The following MSRA variants were observed in gnomAD, a reference collection of about 807,000 sequenced individuals.
The protein encoded by MSRA is methionine sulfoxide reductase A, also known as mitochondrial peptide methionine sulfoxide reductase.
MSRA carries 54 observed loss-of-function variants against 31.3 expected under a neutral mutation model. That is an observed-to-expected ratio of 1.73 (90% CI 1.39 to 2.17). MSRA has a LOEUF of 2.17. Ranked by LOEUF, MSRA falls within the 30% of genes most tolerant of loss-of-function variation. The pLI is 0.00. For synonymous variants in MSRA, 169 were observed against 116.5 expected (o/e 1.45, Z -2.90); for missense variants, 507 against 300.9 (o/e 1.69, Z -5.07).
chr8:10,258,104 C>T (rs1798278981), intron 3 of MSRA, among the ~76,000 whole-genome samples: 1 of 152,134 alleles, frequency 6.6e-6, no homozygotes. Flanking sequence ...AGGGGGTAGG[C>T]TAGTGTCCCT....
chr8:10,094,132 G>A lies in MSRA; in HGVS notation c.142+39474G>A, dbSNP rs377400554. Among the ~76,000 whole-genome samples the A allele has an allele frequency of 1.7e-4, 26 of 152,300 alleles. No individual in the cohort carries two copies. In the South Asian group the frequency reaches 5.2e-3, roughly 30 times the overall value. ...TTCATCATCCCTATTTGAAGGGACA[G>A]CATGGGACACTTTTGTCAGTGCTTT... On this transcript the variant is annotated intron_variant, in intron 1 of 5. Coordinates refer to ENST00000317173, the MANE Select transcript of MSRA (RefSeq NM_012331.5).
chr8:10,174,831 CA>C (rs1805900581), intron 1 of MSRA, among the ~76,000 whole-genome samples: 1 of 152,170 alleles, frequency 6.6e-6, no homozygotes, highest in South Asian at 2.1e-4. Flanking sequence ...TGTCAAAAAA[CA>C]AACTCTTCAC....
chr8:10,407,999 C>A (rs779829266), intron 5 of MSRA, among the ~76,000 whole-genome samples: 2 of 152,106 alleles, frequency 1.3e-5, no homozygotes, highest in African/African-American at 4.8e-5. Context: ...GTATAAACTT[C>A]TTAGAATTTC....
intron 5 of MSRA, among the ~76,000 whole-genome samples, chr8:10,401,939 T>G (rs1175169142): frequency 2.6e-5 from 4 of 152,216 alleles, no homozygotes. Context: ...AAAGAATTTC[T>G]GTCGGATGAT....
chr8:10,062,928 C>T (rs958042496), intron 1 of MSRA, among the ~76,000 whole-genome samples: 3 of 152,140 alleles, frequency 2.0e-5, no homozygotes, highest in African/African-American at 7.2e-5. Context: ...ACATTTTAAG[C>T]TAAAAGAGGT....
In MSRA at chr8:10,274,676, C is replaced by T. The variant is rs1799225380; in HGVS notation, c.332-26858C>T. ...ATATGCCTGATTATCCATCTCTCTA[C>T]CCATCCATCCATGTATCTACTCATC... On this transcript the variant is annotated intron_variant, in intron 3 of 5. Coordinates refer to ENST00000317173, the MANE Select transcript of MSRA (RefSeq NM_012331.5). 3.9e-5 allele frequency among the ~76,000 whole-genome samples: 6 copies of T among 152,122 alleles called. No individual in the cohort carries two copies. The South Asian group carries it at 1.2e-3, about 32-fold the overall frequency.
At chr8:10,099,056 C>T (rs1021896771) in intron 1 of MSRA, among the ~76,000 whole-genome samples, 4 of 152,176 alleles carry the variant, frequency 2.6e-5, no homozygotes, top group South Asian at 2.1e-4. Context: ...TTTAAATGGA[C>T]CTATCAGTTC....
intron 1 of MSRA, among the ~76,000 whole-genome samples, chr8:10,125,717 G>T (rs186792340): frequency 9.2e-5 from 14 of 152,314 alleles, no homozygotes; most frequent in Admixed American, 3.3e-4. Context: ...AAATGTTTGT[G>T]GTGGTAGTTC....
At chr8:10,153,015 T>G (rs1803844479) in intron 1 of MSRA, among the ~76,000 whole-genome samples, 1 of 152,132 alleles carries the variant, frequency 6.6e-6, no homozygotes, top group South Asian at 2.1e-4. Flanking sequence ...GAAGAGGGGA[T>G]GAAGAGCTGC....
intron 2 of MSRA, among the ~76,000 whole-genome samples, chr8:10,241,555 C>A (rs564217848): frequency 6.6e-6 from 1 of 152,160 alleles, no homozygotes; most frequent in African/African-American, 2.4e-5. Flanking sequence ...AATTGTACCA[C>A]TGAGTAACAA....
rs78031281 is a variant in MSRA at position 10,196,086 on chromosome 8, C to T, written c.143-11747C>T. On this transcript the variant is annotated intron_variant, in intron 1 of 5. Transcript: ENST00000317173. Reference sequence around the variant, plus strand: ...GTGGGGGAGCCACTGGACCACTCCCCGCTCAGCTGCTCTCTGACAGCTGAC... The same window carrying T: ...GTGGGGGAGCCACTGGACCACTCCCTGCTCAGCTGCTCTCTGACAGCTGAC... Among the ~76,000 whole-genome samples the T allele has an allele frequency of 4.2e-3, 642 of 152,310 alleles. 5 individuals carry two copies. The highest frequency in any genetic ancestry group is 0.015 in the African/African-American group (604 of 41,564).
intron 1 of MSRA, among the ~76,000 whole-genome samples, chr8:10,149,001 G>T (rs1278448781): frequency 6.6e-6 from 1 of 151,108 alleles, no homozygotes; most frequent in Non-Finnish European, 1.5e-5. Context: ...CTGTCGCCCA[G>T]GCTGGGTGCA....
intron 1 of MSRA, among the ~76,000 whole-genome samples, chr8:10,175,223 C>G (rs538084954): frequency 6.6e-6 from 1 of 152,250 alleles, no homozygotes; most frequent in East Asian, 1.9e-4. Flanking sequence ...TGAAACCTTC[C>G]CAGCCTGTCT....
chr8:10,295,961 C>T (rs1319130782), intron 3 of MSRA, among the ~76,000 whole-genome samples: 1 of 152,204 alleles, frequency 6.6e-6, no homozygotes, highest in Non-Finnish European at 1.5e-5. Flanking sequence ...CTGGATTAAA[C>T]ACTTGCTCAT....
intron 2 of MSRA, among the ~76,000 whole-genome samples, chr8:10,218,178 A>C (rs1373923728): frequency 6.6e-6 from 1 of 150,538 alleles, no homozygotes; most frequent in Non-Finnish European, 1.5e-5. Context: ...AAAGAGTCTC[A>C]CTCTGTTGCC....
chr8:10,134,387 G>A (rs1802113318), intron 1 of MSRA, among the ~76,000 whole-genome samples: 1 of 152,234 alleles, frequency 6.6e-6, no homozygotes, highest in Non-Finnish European at 1.5e-5. Flanking sequence ...AGAGGCAGCA[G>A]ACAGACTGCA....
At chr8:10,261,998 C>A (rs1030206987) in intron 3 of MSRA, among the ~76,000 whole-genome samples, 1 of 152,144 alleles carries the variant, frequency 6.6e-6, no homozygotes, top group African/African-American at 2.4e-5. Flanking sequence ...TTAGATAGGT[C>A]TTTTTCACTT....
chr8:10,284,121 C>G (rs992503924), intron 3 of MSRA, among the ~76,000 whole-genome samples: 8 of 151,958 alleles, frequency 5.3e-5, no homozygotes, highest in African/African-American at 1.9e-4. Context: ...CCTGCCACTG[C>G]TTTTCTGCTT....
At chr8:10,106,635 G>A (rs556834629) in intron 1 of MSRA, among the ~76,000 whole-genome samples, 2 of 152,176 alleles carry the variant, frequency 1.3e-5, no homozygotes, top group Non-Finnish European at 2.9e-5. Context: ...CTTGTTAGTA[G>A]CAATGCTAGA....
Sources: allele counts gnomAD v4.1 joint callset (sites outside exome capture counted in the v4.1 genomes callset), GRCh38; gene constraint gnomAD v4.1.1; transcripts MANE v1.5; gene names NCBI Gene and HGNC (gene_info 2026-07-23, HGNC 2026-07-21).